Variants in TCF4 observed in about 807,000 individuals in gnomAD.
TCF4 encodes the protein transcription factor 4, also known as SL3-3 enhancer factor 2.
A neutral mutation model predicts 82.1 loss-of-function variants in TCF4; 3 were observed. The ratio of observed to expected loss-of-function variants is 0.04; its 90% CI spans 0.02 to 0.09. TCF4 has a LOEUF of 0.09. Ranked by LOEUF, TCF4 falls within the 10% of genes least tolerant of loss-of-function variation. The pLI, the probability that TCF4 is intolerant of heterozygous loss-of-function variation, is 1.00. For synonymous variants in TCF4, 276 were observed against 309.6 expected (o/e 0.89, Z 1.14); for missense variants, 518 against 852.7 (o/e 0.61, Z 4.89).
intron 5 of TCF4, among the ~76,000 whole-genome samples, chr18:55,451,358 G>C (rs548760906): frequency 8.5e-5 from 13 of 152,286 alleles, no homozygotes; most frequent in African/African-American, 2.6e-4. Flanking sequence ...GGGCCAGGCT[G>C]GCATCCCTGT....
chr18:55,228,723 C>T, intron 18 of TCF4, 124 bp downstream of exon 18: 1 of 1,045,976 alleles, frequency 9.6e-7, no homozygotes, highest in Non-Finnish European at 1.4e-6. Context: ...GCAATGGAAA[C>T]AATTCTTTGG....
At chr18:55,340,840 T>C (rs8088658) in intron 8 of TCF4, among the ~76,000 whole-genome samples, 3,156 of 152,286 alleles carry the variant, frequency 0.021, 93 homozygotes, top group African/African-American at 0.071. Flanking sequence ...GGATATTACA[T>C]AAATGCATTC....
At chr18:55,343,539 G>A (rs773962284) in intron 8 of TCF4, among the ~76,000 whole-genome samples, 2 of 152,104 alleles carry the variant, frequency 1.3e-5, no homozygotes, top group Non-Finnish European at 2.9e-5. Context: ...AATACAACTT[G>A]CACATTCTTT....
intron 3 of TCF4, among the ~76,000 whole-genome samples, chr18:55,549,507 T>C (rs2097239696): frequency 6.6e-6 from 1 of 152,210 alleles, no homozygotes; most frequent in South Asian, 2.1e-4. Context: ...TTTACTATTT[T>C]TTAAACTTCT....
intron 5 of TCF4, among the ~76,000 whole-genome samples, chr18:55,412,926 A>C (rs2094404253): frequency 6.6e-6 from 1 of 152,228 alleles, no homozygotes. Context: ...GATGGAAAAG[A>C]GAGGAAAAGG....
intron 8 of TCF4, among the ~76,000 whole-genome samples, chr18:55,283,445 C>G (rs759364448): frequency 6.6e-6 from 1 of 152,140 alleles, no homozygotes; most frequent in South Asian, 2.1e-4. Flanking sequence ...GTTTCACTTA[C>G]GGACATTTTA....
chr18:55,289,917 A>ATG (rs1231571308), intron 8 of TCF4, among the ~76,000 whole-genome samples: 1 of 152,162 alleles, frequency 6.6e-6, no homozygotes, highest in African/African-American at 2.4e-5. Flanking sequence ...GCTTGGACAT[A>ATG]TGTGTGTGTG....
At chr18:55,253,535 C>T (rs1359810763) in intron 15 of TCF4, among the ~76,000 whole-genome samples, 1 of 152,060 alleles carries the variant, frequency 6.6e-6, no homozygotes, top group Non-Finnish European at 1.5e-5. Flanking sequence ...TCTGAATCTT[C>T]ATAATCATCC....
chr18:55,344,758 A>C (rs2080800576), intron 8 of TCF4, among the ~76,000 whole-genome samples: 1 of 152,096 alleles, frequency 6.6e-6, no homozygotes, highest in Non-Finnish European at 1.5e-5. Context: ...GAGTAGAAAA[A>C]TGGGGTGCTG....
At chr18:55,377,808 T>G (rs2091108294) in intron 6 of TCF4, among the ~76,000 whole-genome samples, 4 of 152,238 alleles carry the variant, frequency 2.6e-5, no homozygotes, top group African/African-American at 9.6e-5. Flanking sequence ...AATTCTATAC[T>G]GTGTTGAACT....
At chr18:55,451,781 T>C (rs1322961225) in intron 5 of TCF4, among the ~76,000 whole-genome samples, 1 of 152,168 alleles carries the variant, frequency 6.6e-6, no homozygotes, top group Non-Finnish European at 1.5e-5. Context: ...TGGTTAATAC[T>C]GTCACAGACA....
At chr18:55,579,135 C>T (rs117439929) in intron 3 of TCF4, among the ~76,000 whole-genome samples, 534 of 150,940 alleles carry the variant, frequency 3.5e-3, no homozygotes, top group Middle Eastern at 0.017. Context: ...TTAATCTTCT[C>T]CAAAGATTAA....
At chr18:55,309,026 T>C (rs945117387) in intron 8 of TCF4, among the ~76,000 whole-genome samples, 4 of 152,222 alleles carry the variant, frequency 2.6e-5, no homozygotes, top group Non-Finnish European at 2.9e-5. Flanking sequence ...AATTGAAACT[T>C]GGCTAGTGCA....
intron 6 of TCF4, among the ~76,000 whole-genome samples, chr18:55,379,486 A>G (rs543331923): frequency 1.3e-4 from 20 of 152,272 alleles, no homozygotes; most frequent in African/African-American, 4.8e-4. Context: ...TGTCCCTGGG[A>G]AGCAGAGGAA....
chr18:55,563,059 C>T (rs2097368843), intron 3 of TCF4, among the ~76,000 whole-genome samples: 1 of 151,806 alleles, frequency 6.6e-6, no homozygotes, highest in African/African-American at 2.4e-5. Context: ...GGGCAACATG[C>T]TGAAACCCTG....
chr18:55,247,050 A>G (rs2053477702), intron 15 of TCF4, among the ~76,000 whole-genome samples: 1 of 152,220 alleles, frequency 6.6e-6, no homozygotes. Flanking sequence ...CTTCACAGTG[A>G]GTGCTGCATG....
At chr18:55,357,661 T>C (rs1464774606) in intron 6 of TCF4, among the ~76,000 whole-genome samples, 1 of 152,192 alleles carries the variant, frequency 6.6e-6, no homozygotes, top group Non-Finnish European at 1.5e-5. Context: ...TCAGTCTTCA[T>C]CATATTGGGT....
In TCF4 at chr18:55,403,485, C is replaced by T; in HGVS notation, c.338G>A (p.Gly113Glu). 2 of 1,613,782 alleles carry T rather than the reference C, an allele frequency of 1.2e-6. No homozygotes were observed. Among genetic ancestry groups the T allele is most frequent in the Non-Finnish European group, 1.7e-6 (2 of 1,179,816 alleles). ...GCAACCCTGTAAGTTTGATTCTCTC[C>T]CATAAGATGAGTATGAGCCCCTTTC... is the stretch of plus-strand genomic sequence containing the variant. The part of the protein sequence containing the change: ...KTERGSYSSY[G>E]RESNLQGCHQ... The change falls in exon 6 of 20, where the codon GGG (glycine) becomes GAG (glutamate). Residue 113 changes from glycine (G) to glutamate (E), a missense_variant. By Grantham distance (98) the Gly-to-Glu change is moderately conservative. Transcript: ENST00000354452.
chr18:55,321,931 CTT>C, intron 8 of TCF4: 1 of 1,388,086 alleles, frequency 7.2e-7, no homozygotes, highest in Non-Finnish European at 9.3e-7. Flanking sequence ...AGACGCTCAA[CTT>C]TGCGCAGCGG....
Sources: allele counts gnomAD v4.1 joint callset (sites outside exome capture counted in the v4.1 genomes callset), GRCh38; gene constraint gnomAD v4.1.1; transcripts MANE v1.5; gene names NCBI Gene and HGNC (gene_info 2026-07-23, HGNC 2026-07-21).